The following CHST3 variants were observed in gnomAD, a reference collection of about 807,000 sequenced individuals.
CHST3 encodes the protein C6ST-1.
A neutral mutation model predicts 35.4 loss-of-function variants in CHST3; 20 were observed. The observed-to-expected ratio is 0.57, with a 90% confidence interval of 0.40 to 0.82. The LOEUF (loss-of-function observed/expected upper bound fraction) is 0.82, where lower values mean the gene tolerates loss of function less well. Ranked by LOEUF, CHST3 falls within the 40% of genes least tolerant of loss-of-function variation. CHST3 has a pLI of 0.00. For missense variants in CHST3, 693 were observed against 670.1 expected, an observed-to-expected ratio of 1.03 and a Z score of -0.38; for synonymous variants, 334 against 295.9, an observed-to-expected ratio of 1.13 and a Z score of -1.32.
intron 1 of CHST3, among the ~76,000 whole-genome samples, chr10:71,966,921 G>A (rs1158148349): frequency 1.3e-5 from 2 of 152,182 alleles, no homozygotes; most frequent in Non-Finnish European, 2.9e-5. Flanking sequence ...ATACAGGTTT[G>A]TTACATAGGT....
intron 1 of CHST3, among the ~76,000 whole-genome samples, chr10:71,970,047 GGGGTGTGGGGTGGCCCCTGGC>G (rs1198708255): frequency 6.6e-6 from 1 of 152,220 alleles, no homozygotes; most frequent in Non-Finnish European, 1.5e-5. Flanking sequence ...ACTCCACAGC[GGGGTGTGGGGTGGCCCCTGGC>G]AGGCCTGGAC....
At chr10:71,993,968 C>T (rs541679112) in intron 1 of CHST3, among the ~76,000 whole-genome samples, 1 of 152,080 alleles carries the variant, frequency 6.6e-6, no homozygotes, top group African/African-American at 2.4e-5. Context: ...AGCGTGGTGG[C>T]GGGCACCTGT....
chr10:72,007,048 C>T (rs948196738), intron 2 of CHST3, 124 bp from the exon 3 acceptor site: 7 of 1,045,838 alleles, frequency 6.7e-6, no homozygotes, highest in African/African-American at 3.2e-5. Context: ...CTTGCCTCAA[C>T]GTCTGCTTTT....
intron 2 of CHST3, 103 bp downstream of exon 2, chr10:72,006,085 T>C (rs1038832326): frequency 3.5e-6 from 5 of 1,432,564 alleles, no homozygotes; most frequent in East Asian, 4.6e-5. Context: ...ATGCATTCCT[T>C]CAACGAGCCA....
chr10:72,008,767 T>TA lies in CHST3; in HGVS notation c.*297dup. 1 of 337,430 alleles carries TA rather than the reference T, an allele frequency of 3.0e-6. No homozygotes were observed. Among genetic ancestry groups the TA allele is most frequent in the South Asian group, 9.2e-5 (1 of 10,908 alleles). The allele number at this position is 337,430 out of a possible 1,614,324, so 20.9% of individuals were successfully genotyped here. ...CTTCGATCTCACACACACAGAAACA[T>TA]ACATTCGTGCCTGGAGACCCTGCAG... is the stretch of plus-strand genomic sequence containing the variant. On this transcript the variant is annotated 3_prime_UTR_variant, in exon 3 of 3. Transcript: ENST00000373115.
chr10:72,006,018 C>T, intron 2 of CHST3, 36 bp downstream of exon 2: 1 of 1,490,416 alleles, frequency 6.7e-7, no homozygotes, highest in South Asian at 1.1e-5. Context: ...ATCTTCCTTT[C>T]AAGGTGGGGT....
At chr10:71,989,614 A>G (rs533092296) in intron 1 of CHST3, among the ~76,000 whole-genome samples, 1 of 152,320 alleles carries the variant, frequency 6.6e-6, no homozygotes, top group African/African-American at 2.4e-5. Context: ...ACACAACTCC[A>G]TATGCTTTTT....
At position 72,007,941 on chromosome 10, in the gene CHST3, C is replaced by A; in HGVS notation, c.910C>A (p.Arg304=). 6.5e-7 allele frequency: 1 copy of A among 1,550,306 alleles called. No homozygotes were observed. The highest frequency in any genetic ancestry group is 2.4e-5 in the East Asian group (1 of 40,958). ...LRVIQLVRDP[R]AVLASRMVAF... is the part of the protein sequence containing the mutation. ...CGTCATCCAGCTGGTGCGCGACCCC[C>A]GGGCCGTGCTGGCCTCGCGCATGGT... is the stretch of plus-strand genomic sequence containing the variant. Residue 304 remains arginine (R), a synonymous_variant, in exon 3 of 3, where the codon CGG becomes AGG. Coordinates refer to ENST00000373115, the MANE Select transcript of CHST3 (RefSeq NM_004273.5).
chr10:71,979,790 T>C, intron 1 of CHST3, among the ~76,000 whole-genome samples: 1 of 152,194 alleles, frequency 6.6e-6, no homozygotes. Flanking sequence ...CAGAGAAGAA[T>C]GCAGCAAATC....
rs150510523 is a variant in CHST3 at position 71,977,997 on chromosome 10, T to G, written c.-108+13303T>G. On this transcript the variant is annotated intron_variant, in intron 1 of 2. Transcript: ENST00000373115. ...GTAACAGCACCACCACCTCCTCATA[T>G]TGAACCTGCCTCTGTGCTTCTTCCT... Among the ~76,000 whole-genome samples the G allele has an allele frequency of 1.6e-4, 24 of 152,314 alleles. No homozygotes were observed. In the East Asian group the frequency reaches 4.6e-3, roughly 29 times the overall value.
chr10:71,966,058 G>A, intron 1 of CHST3, among the ~76,000 whole-genome samples: 1 of 152,150 alleles, frequency 6.6e-6, no homozygotes, highest in Admixed American at 6.5e-5. Flanking sequence ...CTTTAGATCT[G>A]CAGCAGAGAG....
chr10:71,966,946 G>A (rs11818951), intron 1 of CHST3, among the ~76,000 whole-genome samples: 198 of 152,290 alleles, frequency 1.3e-3, no homozygotes, highest in African/African-American at 4.6e-3. Flanking sequence ...TGTATGCCAT[G>A]GGGGTTTGGT....
intron 1 of CHST3, among the ~76,000 whole-genome samples, chr10:71,990,733 C>T (rs1027972196): frequency 6.6e-6 from 1 of 152,218 alleles, no homozygotes; most frequent in Non-Finnish European, 1.5e-5. Context: ...AAAGGCCCTA[C>T]CTGTTAATGC....
At chr10:71,986,196 G>A (rs1489422576) in intron 1 of CHST3, among the ~76,000 whole-genome samples, 2 of 152,186 alleles carry the variant, frequency 1.3e-5, no homozygotes, top group African/African-American at 4.8e-5. Flanking sequence ...AGCAGCTCCC[G>A]CTGTCTGTAA....
intron 1 of CHST3, among the ~76,000 whole-genome samples, chr10:71,971,548 C>A (rs2131737969): frequency 6.6e-6 from 1 of 152,318 alleles, no homozygotes; most frequent in South Asian, 2.1e-4. Context: ...CTCCCCTACC[C>A]TTTCCCGCTT....
At chr10:71,969,584 A>C (rs1839669257) in intron 1 of CHST3, among the ~76,000 whole-genome samples, 1 of 152,212 alleles carries the variant, frequency 6.6e-6, no homozygotes, top group Non-Finnish European at 1.5e-5. Context: ...CACCTGGGTG[A>C]GTTCTTAGAG....
intron 1 of CHST3, among the ~76,000 whole-genome samples, chr10:71,984,269 C>T (rs1839826418): frequency 6.6e-6 from 1 of 152,038 alleles, no homozygotes; most frequent in Non-Finnish European, 1.5e-5. Flanking sequence ...GTGATCTGCC[C>T]GCCTCAGCCT....
intron 1 of CHST3, among the ~76,000 whole-genome samples, chr10:71,983,133 A>G (rs1175370453): frequency 6.6e-6 from 1 of 152,248 alleles, no homozygotes; most frequent in Non-Finnish European, 1.5e-5. Context: ...GGTTGTCCCC[A>G]GGTGGAAGAG....
At chr10:71,970,067 G>T (rs556050117) in intron 1 of CHST3, among the ~76,000 whole-genome samples, 14 of 152,364 alleles carry the variant, frequency 9.2e-5, no homozygotes, top group African/African-American at 3.1e-4. Context: ...GTGGCCCCTG[G>T]CAGGCCTGGA....
Sources: allele counts gnomAD v4.1 joint callset (sites outside exome capture counted in the v4.1 genomes callset), GRCh38; gene constraint gnomAD v4.1.1; transcripts MANE v1.5; gene names NCBI Gene and HGNC (gene_info 2026-07-23, HGNC 2026-07-21).